The following SLC9A6 variants were observed in gnomAD, a reference collection of about 807,000 sequenced individuals.
SLC9A6 encodes the protein solute carrier family 9 member A6, also known as sodium/hydrogen exchanger 6.
In SLC9A6, 6 loss-of-function variants were observed where a neutral mutation model predicts 45.3. That is an observed-to-expected ratio of 0.13 (90% confidence interval 0.07 to 0.26). The LOEUF (loss-of-function observed/expected upper bound fraction) is 0.26, where lower values mean the gene tolerates loss of function less well. Ranked by LOEUF, SLC9A6 falls within the 10% of genes least tolerant of loss-of-function variation. The pLI is 1.00. For synonymous variants in SLC9A6, 191 were observed against 187.7 expected (o/e 1.02, Z -0.14); for missense variants, 278 against 503.7 (o/e 0.55, Z 4.29).
chrX:136,004,615 G>T (rs1037733191), intron 7 of SLC9A6, among the ~76,000 whole-genome samples: 8 of 111,932 alleles, frequency 7.1e-5, no homozygotes, highest in Non-Finnish European at 1.5e-4. Flanking sequence ...TTATTTCTCA[G>T]ATGTAACATT....
At chrX:135,988,054 A>G (rs187814590) in intron 2 of SLC9A6, among the ~76,000 whole-genome samples, 18 of 111,939 alleles carry the variant, frequency 1.6e-4, no homozygotes, top group Non-Finnish European at 2.3e-4. Flanking sequence ...AGAGAATCAA[A>G]TAGGGGCTTT....
chrX:136,032,638 A>C (rs782082273), intron 15 of SLC9A6, among the ~76,000 whole-genome samples: 1 of 112,036 alleles, frequency 8.9e-6, no homozygotes, highest in African/African-American at 3.2e-5. Context: ...CCTACTTGCT[A>C]TGTTAGTTTC....
intron 11 of SLC9A6, among the ~76,000 whole-genome samples, chrX:136,019,042 T>C (rs189081675): frequency 9.0e-6 from 1 of 111,358 alleles, no homozygotes; most frequent in Non-Finnish European, 1.9e-5. Context: ...AGCTAAATAT[T>C]CTCTGTAGGT....
intron 3 of SLC9A6, among the ~76,000 whole-genome samples, chrX:135,996,216 G>A (rs2089495347): frequency 9.3e-6 from 1 of 107,696 alleles, no homozygotes; most frequent in Non-Finnish European, 1.9e-5. Context: ...ATTTTTAGTA[G>A]AGTTGGGGTT....
At position 136,013,266 on chromosome X, in the gene SLC9A6, A is replaced by G. The variant is rs2070957415; in HGVS notation, c.992-83A>G. The stretch of plus-strand genomic sequence containing the variant: ...AAATGAGAATTTCCAGACAAAGCCT[A>G]TAATCTACTGTGAAGAAAGAACCTC... On this transcript the variant is annotated intron_variant, in intron 9 of 17. Transcript: ENST00000630721. The G allele has an allele frequency of 3.4e-5, 28 of 819,993 alleles. No individual in the cohort carries two copies. In the South Asian group the frequency reaches 5.2e-4, roughly 15 times the overall value. The allele number at this position is 819,993 out of a possible 1,213,427, so 67.6% of individuals were successfully genotyped here. A position where few individuals can be genotyped will look rare whatever the true frequency, so the allele number is the denominator to read the frequency against.
intron 15 of SLC9A6, among the ~76,000 whole-genome samples, chrX:136,032,550 G>T (rs782111274): frequency 8.9e-6 from 1 of 112,319 alleles, no homozygotes; most frequent in East Asian, 2.8e-4. Context: ...GAAGCAGATT[G>T]CCTAACTGCC....
At chrX:136,041,909 A>T (rs1470297463) in intron 17 of SLC9A6, among the ~76,000 whole-genome samples, 2 of 110,890 alleles carry the variant, frequency 1.8e-5, no homozygotes, top group Non-Finnish European at 3.8e-5. Flanking sequence ...GCTATCTTGG[A>T]CCTTCCTTGA....
intron 1 of SLC9A6, among the ~76,000 whole-genome samples, chrX:135,977,895 G>A (rs1303973108): frequency 8.9e-6 from 1 of 112,199 alleles, no homozygotes; most frequent in African/African-American, 3.2e-5. Context: ...CTACACTACA[G>A]TGGTTAAAAG....
chrX:136,033,632 C>T, intron 16 of SLC9A6, 139 bp downstream of exon 16: 1 of 343,606 alleles, frequency 2.9e-6, no homozygotes, highest in Middle Eastern at 9.8e-4. Flanking sequence ...CCCATCAGTG[C>T]TGTGGAAAAG....
intron 2 of SLC9A6, among the ~76,000 whole-genome samples, chrX:135,988,879 C>T (rs781871901): frequency 9.0e-6 from 1 of 111,119 alleles, no homozygotes; most frequent in South Asian, 3.8e-4. Context: ...CCTTGGCCTC[C>T]CAAAGTGCTG....
At chrX:136,002,277 C>G (rs2089594320) in intron 7 of SLC9A6, 64 bp downstream of exon 7, 1 of 761,005 alleles carries the variant, frequency 1.3e-6, no homozygotes. Context: ...AACTGAAAGT[C>G]ACTTATTGAA....
chrX:136,016,226 A>G (rs1328033206), intron 10 of SLC9A6, among the ~76,000 whole-genome samples: 1 of 111,557 alleles, frequency 9.0e-6, no homozygotes, highest in Non-Finnish European at 1.9e-5. Context: ...GCAAGAGGAA[A>G]GTATCTTGAA....
At chrX:135,984,133 A>G (rs1231114309), upstream of SLC9A6, among the ~76,000 whole-genome samples, 1 of 111,409 alleles carries the variant, frequency 9.0e-6, no homozygotes, top group Non-Finnish European at 1.9e-5. Context: ...GAATACACAC[A>G]GGGGCAGCTT....
intron 2 of SLC9A6, 44 bp from the exon 3 acceptor site, chrX:135,994,742 T>C (rs782385192): frequency 8.8e-7 from 1 of 1,139,416 alleles, no homozygotes; most frequent in East Asian, 3.0e-5. Flanking sequence ...ACAAAAGAAG[T>C]GGTCTCTGTC....
At chrX:135,973,936 C>T (rs2089238701), upstream of SLC9A6, 5 of 1,128,130 alleles carry the variant, frequency 4.4e-6, no homozygotes, top group South Asian at 7.8e-5. Context: ...GGCCGGAGCC[C>T]AACGGAGTCA....
intron 8 of SLC9A6, among the ~76,000 whole-genome samples, chrX:136,010,955 A>C (rs1308464254): frequency 4.5e-5 from 5 of 112,254 alleles, no homozygotes; most frequent in African/African-American, 1.3e-4. Context: ...TAATAGGACA[A>C]ATAGGAAATG....
chrX:136,040,396 A>G (rs782415452), intron 17 of SLC9A6, among the ~76,000 whole-genome samples: 1 of 112,396 alleles, frequency 8.9e-6, no homozygotes, highest in African/African-American at 3.2e-5. Context: ...GAAAACAGAT[A>G]TAGAATCGTG....
At position 136,037,784 on chromosome X, in the gene SLC9A6, A is replaced by G. The variant is rs929180118; in HGVS notation, c.1662-2292A>G. On this transcript the variant is annotated intron_variant, in intron 16 of 17. Transcript: ENST00000630721. ...ATGGTGTTTCACCGTGTTTGCCAGG[A>G]TGGTCTCGATCTCCTGACCTTGTGA... Among the ~76,000 whole-genome samples the G allele has an allele frequency of 4.2e-4, 47 of 111,363 alleles. 1 individual carries two copies. The highest frequency in any genetic ancestry group is 1.4e-3 in the African/African-American group (43 of 30,650).
intron 2 of SLC9A6, among the ~76,000 whole-genome samples, chrX:135,987,589 A>G (rs1444147808): frequency 4.5e-5 from 5 of 110,855 alleles, no homozygotes; most frequent in Non-Finnish European, 9.4e-5. Flanking sequence ...AGGGCCAGGT[A>G]GTAATGATTG....
Sources: gnomAD v4.1 joint callset for allele counts (sites outside exome capture counted in the v4.1 genomes callset) on GRCh38, gnomAD v4.1.1 for gene constraint, MANE v1.5 for transcripts, NCBI Gene and HGNC (gene_info 2026-07-23, HGNC 2026-07-21) for gene names.